The following ASIC2 variants were observed in gnomAD, a reference collection of about 807,000 sequenced individuals.
ASIC2 encodes acid-sensing ion channel 2.
Under a neutral mutation model 57.3 loss-of-function variants are expected in ASIC2, and 25 were observed. The observed-to-expected ratio is 0.44, with a 90% CI of 0.32 to 0.61. The LOEUF is 0.61. Ranked by LOEUF, ASIC2 falls within the 20% of genes least tolerant of loss-of-function variation. ASIC2 has a pLI of 0.06. For missense variants in ASIC2, 641 were observed against 738.1 expected, an observed-to-expected ratio of 0.87 and a Z score of 1.52; for synonymous variants, 319 against 307.5, an observed-to-expected ratio of 1.04 and a Z score of -0.39.
At chr17:33,066,095 G>A (rs997195057) in intron 3 of ASIC2, among the ~76,000 whole-genome samples, 1 of 152,096 alleles carries the variant, frequency 6.6e-6, no homozygotes, top group Non-Finnish European at 1.5e-5. Flanking sequence ...ATTTCCTCTC[G>A]GGGAGTATGA....
intron 1 of ASIC2, among the ~76,000 whole-genome samples, chr17:34,148,798 A>G (rs1352593267): frequency 6.6e-6 from 1 of 152,194 alleles, no homozygotes; most frequent in African/African-American, 2.4e-5. Context: ...CTATCAATAA[A>G]TTTCCATCAA....
intron 1 of ASIC2, among the ~76,000 whole-genome samples, chr17:33,226,870 A>G (rs1376225359): frequency 6.6e-6 from 1 of 152,256 alleles, no homozygotes; most frequent in Non-Finnish European, 1.5e-5. Context: ...TAAGAAAAGT[A>G]AAAAGAAATG....
chr17:33,228,070 A>T (rs188437353), intron 1 of ASIC2, among the ~76,000 whole-genome samples: 1 of 152,322 alleles, frequency 6.6e-6, no homozygotes, highest in African/African-American at 2.4e-5. Flanking sequence ...TGTACTCCAC[A>T]TGGGGTCCTT....
At chr17:33,736,781 A>T (rs1336789403) in intron 1 of ASIC2, among the ~76,000 whole-genome samples, 1 of 149,918 alleles carries the variant, frequency 6.7e-6, no homozygotes, top group Non-Finnish European at 1.5e-5. Context: ...ATATGGAAAC[A>T]TGTACAACTG....
intron 1 of ASIC2, among the ~76,000 whole-genome samples, chr17:33,805,590 C>T (rs1912246179): frequency 6.6e-6 from 1 of 152,178 alleles, no homozygotes; most frequent in African/African-American, 2.4e-5. Flanking sequence ...TATTCCTCTT[C>T]CAGTGGTCTC....
chr17:33,474,136 G>T (rs1478789791), intron 1 of ASIC2, among the ~76,000 whole-genome samples: 1 of 152,178 alleles, frequency 6.6e-6, no homozygotes, highest in African/African-American at 2.4e-5. Flanking sequence ...GGAGGCTGAG[G>T]CAAGCGAATC....
intron 3 of ASIC2, among the ~76,000 whole-genome samples, chr17:33,028,962 C>T (rs1473133814): frequency 6.6e-6 from 1 of 152,176 alleles, no homozygotes; most frequent in Non-Finnish European, 1.5e-5. Flanking sequence ...CTGTAGATGG[C>T]ACCTTTTCCC....
intron 1 of ASIC2, among the ~76,000 whole-genome samples, chr17:33,379,704 TC>T (rs538138282): frequency 7.0e-4 from 106 of 152,332 alleles, no homozygotes; most frequent in African/African-American, 2.5e-3. Context: ...CTTTAGATGA[TC>T]AGCTATGGTT....
At position 33,464,997 on chromosome 17, in the gene ASIC2, G is replaced by T. The variant is rs996395076; in HGVS notation, c.556-352930C>A. 2.0e-5 allele frequency among the ~76,000 whole-genome samples: 3 copies of T among 152,004 alleles called. No homozygotes were observed. In the South Asian group the frequency reaches 6.2e-4, roughly 32 times the overall value. On this transcript the variant is annotated intron_variant, in intron 1 of 9. Transcript: ENST00000359872. The stretch of plus-strand genomic sequence containing the variant: ...TCCATTTGAATACAAAAATACTATG[G>T]AATTCCATTAAGATAATGTCTGGGG...
intron 1 of ASIC2, among the ~76,000 whole-genome samples, chr17:33,218,303 G>A (rs769520430): frequency 4.3e-4 from 66 of 152,198 alleles, no homozygotes; most frequent in Non-Finnish European, 5.9e-4. Context: ...CCAGGTCTGA[G>A]GTGCAGAGAA....
At chr17:33,317,609 C>A (rs890609719) in intron 1 of ASIC2, among the ~76,000 whole-genome samples, 1 of 152,122 alleles carries the variant, frequency 6.6e-6, no homozygotes, top group Admixed American at 6.5e-5. Context: ...AGATGTTTTT[C>A]AAGGCCAGGT....
At chr17:33,083,460 A>G (rs2097580545) in intron 3 of ASIC2, among the ~76,000 whole-genome samples, 1 of 152,244 alleles carries the variant, frequency 6.6e-6, no homozygotes, top group African/African-American at 2.4e-5. Flanking sequence ...TTTCCAGCAC[A>G]TTCAGTGCTC....
intron 1 of ASIC2, among the ~76,000 whole-genome samples, chr17:34,082,654 T>C (rs1909933239): frequency 6.6e-6 from 1 of 152,212 alleles, no homozygotes; most frequent in African/African-American, 2.4e-5. Context: ...TCCACAACAG[T>C]TTCCACTTAC....
At chr17:33,491,575 A>G (rs1275099661) in intron 1 of ASIC2, among the ~76,000 whole-genome samples, 1 of 152,230 alleles carries the variant, frequency 6.6e-6, no homozygotes, top group Admixed American at 6.5e-5. Context: ...CAGCATTAGG[A>G]ACATATGCAA....
At chr17:33,526,396 C>T (rs1406685908) in intron 1 of ASIC2, among the ~76,000 whole-genome samples, 1 of 152,174 alleles carries the variant, frequency 6.6e-6, no homozygotes, top group African/African-American at 2.4e-5. Flanking sequence ...CACCCTAGGA[C>T]TCCTTCTCTT....
intron 1 of ASIC2, chr17:34,039,128 T>C: frequency 6.2e-7 from 1 of 1,614,070 alleles, no homozygotes; most frequent in Non-Finnish European, 8.5e-7. Flanking sequence ...TGTTCATCAA[T>C]CTGCCGTCTC....
chr17:33,534,204 C>T (rs1915151093), intron 1 of ASIC2: 1 of 152,076 alleles, frequency 6.6e-6, no homozygotes, highest in African/African-American at 2.4e-5. Flanking sequence ...CAGATCACTC[C>T]CCAGCATCAT....
intron 1 of ASIC2, among the ~76,000 whole-genome samples, chr17:34,077,264 C>T (rs890828931): frequency 6.6e-5 from 10 of 152,302 alleles, no homozygotes; most frequent in Non-Finnish European, 1.2e-4. Flanking sequence ...CATTCCTCTC[C>T]TGCAGCCACA....
intron 1 of ASIC2, among the ~76,000 whole-genome samples, chr17:33,727,849 T>C (rs918911919): frequency 5.3e-5 from 8 of 152,236 alleles, no homozygotes; most frequent in Admixed American, 6.5e-5. Context: ...AGGAAACTTC[T>C]TCAAGATAAG....
Sources: gnomAD v4.1 joint callset for allele counts (sites outside exome capture counted in the v4.1 genomes callset) on GRCh38, gnomAD v4.1.1 for gene constraint, MANE v1.5 for transcripts, NCBI Gene and HGNC (gene_info 2026-07-23, HGNC 2026-07-21) for gene names.